RSPO2: variants seen among roughly 807,000 people sequenced by gnomAD.
RSPO2 encodes R-spondin-2.
RSPO2 carries 14 observed loss-of-function variants against 30.9 expected under a neutral mutation model. The observed-to-expected ratio is 0.45, with a 90% CI of 0.30 to 0.71. The LOEUF (loss-of-function observed/expected upper bound fraction) is 0.71. Among genes scored for constraint, RSPO2 ranks in the 30% least tolerant of loss-of-function variants. The pLI is 0.08. For synonymous variants in RSPO2, 107 were observed against 96.4 expected (o/e 1.11, Z -0.64); for missense variants, 264 against 301.9 (o/e 0.87, Z 0.93).
chr8:107,904,085 T>C (rs570329024), intron 5 of RSPO2, among the ~76,000 whole-genome samples: 234 of 152,194 alleles, frequency 1.5e-3, no homozygotes, highest in Non-Finnish European at 2.5e-3. Flanking sequence ...CCTCGTTTTA[T>C]CTATATATTT....
chr8:108,037,501 G>A (rs898748085), intron 2 of RSPO2, among the ~76,000 whole-genome samples: 1 of 152,188 alleles, frequency 6.6e-6, no homozygotes, highest in Non-Finnish European at 1.5e-5. Context: ...AGTAAGTATT[G>A]ATGTAGAAGC....
At chr8:108,020,256 C>T (rs1811017121) in intron 2 of RSPO2, among the ~76,000 whole-genome samples, 2 of 152,128 alleles carry the variant, frequency 1.3e-5, no homozygotes, top group African/African-American at 4.8e-5. Context: ...ACTCTGTTCT[C>T]TCTTCTGCAT....
chr8:108,076,672 G>C (rs999551707), intron 2 of RSPO2, among the ~76,000 whole-genome samples: 4 of 152,046 alleles, frequency 2.6e-5, no homozygotes, highest in Non-Finnish European at 4.4e-5. Context: ...AAAAGAAAGC[G>C]AATTGTCAGG....
rs1013918035 is a variant in RSPO2, at chr8:107,900,099, G to A, written c.*976C>T. The A allele has an allele frequency of 6.6e-5, 10 of 152,188 alleles. No homozygotes were observed. The highest frequency in any genetic ancestry group is 2.4e-4 in the African/African-American group (10 of 41,444). 9.4% of individuals were successfully genotyped at this position (152,188 alleles called of 1,614,324 possible). The stretch of plus-strand genomic sequence containing the variant: ...CTGGCCTGTGAAACTGGCTACAAGT[G>A]ACTGGATATAGTCCCTCATGTTTTC... On this transcript the variant is annotated 3_prime_UTR_variant, in exon 6 of 6. Coordinates refer to ENST00000276659, the MANE Select transcript of RSPO2 (RefSeq NM_178565.5).
chr8:108,079,783 A>G (rs1243886960), intron 2 of RSPO2, among the ~76,000 whole-genome samples: 1 of 152,098 alleles, frequency 6.6e-6, no homozygotes, highest in African/African-American at 2.4e-5. Context: ...CAAAGCCAAG[A>G]AAATAACTAA....
At chr8:108,018,530 T>C (rs1419396173) in intron 2 of RSPO2, among the ~76,000 whole-genome samples, 2 of 152,202 alleles carry the variant, frequency 1.3e-5, no homozygotes, top group Admixed American at 1.3e-4. Flanking sequence ...TTTAAGCTAT[T>C]CCAGCATTGG....
rs557910822 is a variant in RSPO2 at position 108,082,494 on chromosome 8, C to G, written c.94+51G>C. The G allele has an allele frequency of 3.2e-5, 47 of 1,460,780 alleles. No individual in the cohort carries two copies. The East Asian group carries it at 1.0e-3, about 32-fold the overall frequency. 90.5% of individuals were successfully genotyped at this position (1,460,780 alleles called of 1,614,324 possible). Reference sequence around the variant, plus strand: ...GAGCCAGGGCGTGAGTGAGCGCCTCCACACGCCACCCCTGAAGCCCACCAC... The same window carrying G: ...GAGCCAGGGCGTGAGTGAGCGCCTCGACACGCCACCCCTGAAGCCCACCAC... On this transcript the variant is annotated intron_variant, in intron 2 of 5. Coordinates refer to ENST00000276659, the MANE Select transcript of RSPO2 (RefSeq NM_178565.5).
intron 2 of RSPO2, among the ~76,000 whole-genome samples, chr8:108,010,995 T>C (rs1317000630): frequency 6.6e-6 from 1 of 151,576 alleles, no homozygotes; most frequent in Non-Finnish European, 1.5e-5. Flanking sequence ...TAGTGGGGCA[T>C]GGTAGTGCAC....
intron 2 of RSPO2, among the ~76,000 whole-genome samples, chr8:108,045,522 G>A (rs1811884529): frequency 6.6e-6 from 1 of 152,028 alleles, no homozygotes; most frequent in African/African-American, 2.4e-5. Context: ...AACATTCGGA[G>A]AACATTAGTT....
At chr8:107,909,862 T>C (rs1441892482) in intron 5 of RSPO2, among the ~76,000 whole-genome samples, 1 of 152,214 alleles carries the variant, frequency 6.6e-6, no homozygotes, top group African/African-American at 2.4e-5. Context: ...CACTCCTACT[T>C]TGTACCAGGC....
rs558757461 is a variant in RSPO2 at position 107,982,905 on chromosome 8, A to G, written c.283+6151T>C. The stretch of plus-strand genomic sequence containing the variant: ...TTAAATGTCAATATTAATATACTAT[A>G]TTTTTTAGGTATTGTATTGTTTGGA... On this transcript the variant is annotated intron_variant, in intron 3 of 5. Transcript: ENST00000276659. 8.5e-5 allele frequency among the ~76,000 whole-genome samples: 13 copies of G among 152,182 alleles called. No individual in the cohort carries two copies. In the South Asian group the frequency reaches 2.3e-3, roughly 27 times the overall value.
intron 5 of RSPO2, among the ~76,000 whole-genome samples, chr8:107,906,626 G>A (rs1811656559): frequency 1.3e-5 from 2 of 151,878 alleles, no homozygotes; most frequent in South Asian, 2.1e-4. Flanking sequence ...CAGACATTAA[G>A]AATGGAGGTT....
chr8:107,942,073 C>T (rs1181574754), intron 5 of RSPO2, among the ~76,000 whole-genome samples: 1 of 152,040 alleles, frequency 6.6e-6, no homozygotes, highest in African/African-American at 2.4e-5. Context: ...TCAACTGAAA[C>T]CAGAAAACTG....
intron 5 of RSPO2, among the ~76,000 whole-genome samples, chr8:107,922,878 T>C (rs1812225249): frequency 6.6e-6 from 1 of 152,076 alleles, no homozygotes; most frequent in Non-Finnish European, 1.5e-5. Context: ...TGGCTAAGCA[T>C]ATGCAGAAGA....
intron 3 of RSPO2, among the ~76,000 whole-genome samples, chr8:107,970,777 G>A (rs968287155): frequency 1.3e-5 from 2 of 152,254 alleles, no homozygotes; most frequent in Non-Finnish European, 2.9e-5. Flanking sequence ...TGGTTGGAAA[G>A]GAAGGAAGAG....
chr8:108,036,610 G>A (rs1399036493), intron 2 of RSPO2, among the ~76,000 whole-genome samples: 5 of 152,134 alleles, frequency 3.3e-5, no homozygotes, highest in Non-Finnish European at 5.9e-5. Context: ...CAAAGACCAC[G>A]TGTTACAAAA....
intron 2 of RSPO2, among the ~76,000 whole-genome samples, chr8:108,016,539 A>AG (rs544707197): frequency 6.6e-6 from 1 of 152,160 alleles, no homozygotes; most frequent in South Asian, 2.1e-4. Context: ...GCACACACAG[A>AG]GAAAAAAAAC....
chr8:108,035,848 T>C (rs181548634), intron 2 of RSPO2, among the ~76,000 whole-genome samples: 11 of 152,284 alleles, frequency 7.2e-5, no homozygotes, highest in African/African-American at 2.6e-4. Context: ...GGAACTGGGC[T>C]CTTGAGTCAC....
In RSPO2 at chr8:107,958,140, GTAT is replaced by G. The variant is rs1563538970; in HGVS notation, c.553_555del (p.Ile185del). The G allele has an allele frequency of 1.1e-5, 18 of 1,613,382 alleles. No individual in the cohort carries two copies. Among genetic ancestry groups the G allele is most frequent in the Non-Finnish European group, 1.4e-5 (17 of 1,179,492 alleles). Reference sequence around the variant, plus strand: ...CTGGATTCAGCAATGGTTGGACACAGTATTGTGTCTTTCACTGGCTTTTTAACA... The same window carrying G: ...CTGGATTCAGCAATGGTTGGACACAGTGTGTCTTTCACTGGCTTTTTAACA... On this transcript the variant is annotated inframe_deletion, in exon 5 of 6. Coordinates refer to ENST00000276659, the MANE Select transcript of RSPO2 (RefSeq NM_178565.5).
Sources: gnomAD v4.1 joint callset for allele counts (sites outside exome capture counted in the v4.1 genomes callset) on GRCh38, gnomAD v4.1.1 for gene constraint, MANE v1.5 for transcripts, NCBI Gene and HGNC (gene_info 2026-07-23, HGNC 2026-07-21) for gene names.